Variants in ATP6V0A2 observed in about 807,000 individuals in gnomAD.
The protein encoded by ATP6V0A2 is V-type proton ATPase 116 kDa subunit a 2.
In ATP6V0A2, 58 loss-of-function variants were observed where a neutral mutation model predicts 104.4. That is an observed-to-expected ratio of 0.56 (90% CI 0.45 to 0.69). ATP6V0A2 has a LOEUF of 0.69. ATP6V0A2 is among the 30% of genes least tolerant of loss of function. ATP6V0A2 has a pLI of 0.00. For synonymous variants in ATP6V0A2, 376 were observed against 397.9 expected (o/e 0.95, Z 0.65); for missense variants, 938 against 1,062.9 (o/e 0.88, Z 1.63).
intron 3 of ATP6V0A2, chr12:123,724,421 G>A (rs1337330803): frequency 1.4e-5 from 6 of 418,362 alleles, no homozygotes; most frequent in Non-Finnish European, 2.3e-5. Flanking sequence ...CCAGCTACTC[G>A]GGGAGGCTGA....
At chr12:123,715,348 G>A (rs1956329557) in intron 1 of ATP6V0A2, among the ~76,000 whole-genome samples, 1 of 152,146 alleles carries the variant, frequency 6.6e-6, no homozygotes, top group African/African-American at 2.4e-5. Context: ...TAGTAACTTG[G>A]AAGTGGTTAC....
rs552826717 is a variant in ATP6V0A2, at chr12:123,715,668, T to C, written c.118-2955T>C. On this transcript the variant is annotated intron_variant, in intron 1 of 19. Coordinates refer to ENST00000330342, the MANE Select transcript of ATP6V0A2 (RefSeq NM_012463.4). ...AGTGATAGATGACCATTGTGAGAAA[T>C]GTGGAAAACATAAGAATAGTAACAT... 1.6e-3 allele frequency among the ~76,000 whole-genome samples: 237 copies of C among 152,312 alleles called. 1 individual carries two copies. Among genetic ancestry groups the C allele is most frequent in the African/African-American group, 5.2e-3 (218 of 41,572 alleles).
intron 17 of ATP6V0A2, 123 bp from the exon 18 acceptor site, chr12:123,754,297 T>G (rs968744889): frequency 1.3e-6 from 1 of 784,118 alleles, no homozygotes; most frequent in Non-Finnish European, 2.3e-6. Flanking sequence ...CACTCTAGCG[T>G]GTTCTTACCA....
intron 7 of ATP6V0A2, among the ~76,000 whole-genome samples, chr12:123,734,435 G>T (rs190145389): frequency 6.6e-6 from 1 of 152,296 alleles, no homozygotes; most frequent in Admixed American, 6.5e-5. Context: ...CTGTCTGGAT[G>T]CAGAGCCTCC....
At chr12:123,741,148 G>T (rs1035177530) in intron 9 of ATP6V0A2, among the ~76,000 whole-genome samples, 1 of 151,962 alleles carries the variant, frequency 6.6e-6, no homozygotes, top group Non-Finnish European at 1.5e-5. Context: ...TTAGACTTTT[G>T]AGGCTGGATG....
intron 4 of ATP6V0A2, 47 bp from the exon 5 acceptor site, chr12:123,726,150 G>A (rs907083977): frequency 8.5e-6 from 12 of 1,409,408 alleles, no homozygotes; most frequent in Non-Finnish European, 1.2e-5. Context: ...GAGAAATAAA[G>A]TGTCACTTTT....
At chr12:123,734,390 G>T (rs888108260) in intron 7 of ATP6V0A2, among the ~76,000 whole-genome samples, 2 of 152,176 alleles carry the variant, frequency 1.3e-5, no homozygotes, top group South Asian at 4.1e-4. Flanking sequence ...TGGGGCAGGG[G>T]TGTGGCGTGT....
Position 123,744,605 on chromosome 12 carries a change from G to T in ATP6V0A2, c.1335G>T (p.Arg445Ser). ...PRLNQSQEIM[R>S]MFFNGRYILL... ...CGCCTTGCCCTTCACAGATCATGAG[G>T]ATGTTTTTTAATGGCCGGTACATCC... is the stretch of plus-strand genomic sequence containing the variant. Residue 445 changes from arginine (R) to serine (S), a missense_variant, in exon 12 of 20, where the codon AGG becomes AGT. Transcript: ENST00000330342. This position sits in a 1 kb window ranked among gnomAD's most constrained non-coding sequence, Gnocchi z 5.4. The T allele has an allele frequency of 2.5e-6, 4 of 1,612,988 alleles. No homozygotes were observed. The highest frequency in any genetic ancestry group is 3.4e-6 in the Non-Finnish European group (4 of 1,180,010).
chr12:123,727,403 C>T (rs200888931), intron 5 of ATP6V0A2, among the ~76,000 whole-genome samples: 9 of 151,926 alleles, frequency 5.9e-5, no homozygotes, highest in African/African-American at 1.5e-4. Context: ...CTCAGCCTCC[C>T]GAGTAGCTGG....
chr12:123,739,252 G>A (rs915739687), intron 9 of ATP6V0A2, among the ~76,000 whole-genome samples: 4 of 152,146 alleles, frequency 2.6e-5, no homozygotes, highest in Non-Finnish European at 2.9e-5. Flanking sequence ...CCGACTCTTC[G>A]TTTCCCGTCA....
At chr12:123,749,758 G>A (rs113421547) in intron 15 of ATP6V0A2, among the ~76,000 whole-genome samples, 3,087 of 152,302 alleles carry the variant, frequency 0.02, 46 homozygotes, top group African/African-American at 0.034. Context: ...GGCTCACCAC[G>A]TTGTAAAGTG....
At chr12:123,754,086 C>T (rs768988406) in intron 17 of ATP6V0A2, 52 of 440,396 alleles carry the variant, frequency 1.2e-4, no homozygotes, top group Non-Finnish European at 1.9e-4. Context: ...ATTACTGAGA[C>T]CTGCCCCAGA....
rs1259345523 is a variant in ATP6V0A2, at chr12:123,743,782, AAG to A, written c.1045_1046del. On this transcript the variant is annotated splice_acceptor_variant, in intron 9 of 19. Transcript: ENST00000330342. LOFTEE classifies it high-confidence loss of function. ...TTTTTATCTTTCCTTGTTTATGTGG[AAG>A]AGAGAGAGTGGTGCTACAATCCCCT... 4 of 1,613,974 alleles carry A rather than the reference AAG, an allele frequency of 2.5e-6. No individual in the cohort carries two copies. Among genetic ancestry groups the A allele is most frequent in the Non-Finnish European group, 3.4e-6 (4 of 1,179,870 alleles).
rs1593921260 is a variant in ATP6V0A2, at chr12:123,754,904, C to G, written c.2293+367C>G. On this transcript the variant is annotated intron_variant, in intron 18 of 19. Coordinates refer to ENST00000330342, the MANE Select transcript of ATP6V0A2 (RefSeq NM_012463.4). ...CTGTTAGTAGTTATTTCATTCACTG[C>G]TGCCTTACCAAGTGTGAATATCTGT... The G allele has an allele frequency of 2.4e-5, 7 of 294,140 alleles. No homozygotes were observed. The South Asian group carries it at 3.0e-4, about 13-fold the overall frequency. The allele number at this position is 294,140 out of a possible 1,614,324, so 18.2% of individuals were successfully genotyped here.
chr12:123,712,502 C>A lies in ATP6V0A2; in HGVS notation c.-64C>A. 1.7e-6 allele frequency: 2 copies of A among 1,195,040 alleles called. No individual in the cohort carries two copies. The highest frequency in any genetic ancestry group is 1.4e-5 in the South Asian group (1 of 69,146). 74.0% of individuals were successfully genotyped at this position (1,195,040 alleles called of 1,614,324 possible). ...GCCCGGGCCGCACCGGCTGAGTGTG[C>A]GGGCCCGCGCGGCTCGGAGCCGCCG... On this transcript the variant is annotated 5_prime_UTR_variant, in exon 1 of 20. Coordinates refer to ENST00000330342, the MANE Select transcript of ATP6V0A2 (RefSeq NM_012463.4).
chr12:123,729,614 C>T (rs1956481738), intron 6 of ATP6V0A2, among the ~76,000 whole-genome samples: 1 of 152,068 alleles, frequency 6.6e-6, no homozygotes, highest in Non-Finnish European at 1.5e-5. Flanking sequence ...GTTTTTTAAA[C>T]TTCAAAGTAA....
intron 3 of ATP6V0A2, among the ~76,000 whole-genome samples, chr12:123,723,051 C>G (rs527322417): frequency 6.6e-6 from 1 of 152,152 alleles, no homozygotes; most frequent in African/African-American, 2.4e-5. Flanking sequence ...CGTTCCTCAC[C>G]CTGTGAAGTA....
chr12:123,712,365 A>T lies in ATP6V0A2; in HGVS notation c.-201A>T. 3.0e-6 allele frequency: 1 copy of T among 334,016 alleles called. No homozygotes were observed. The highest frequency in any genetic ancestry group is 5.4e-6 in the Non-Finnish European group (1 of 186,814). The allele number at this position is 334,016 out of a possible 1,614,324, so 20.7% of individuals were successfully genotyped here. On this transcript the variant is annotated 5_prime_UTR_variant, in exon 1 of 20. Coordinates refer to ENST00000330342, the MANE Select transcript of ATP6V0A2 (RefSeq NM_012463.4). ...GTGGCTTGGGGGCGGGACCTCGCGG[A>T]CTGCTGTGGCGGCAGCTGGAGCGGC...
intron 9 of ATP6V0A2, chr12:123,739,032 A>G (rs2135903988): frequency 6.6e-6 from 1 of 152,354 alleles, no homozygotes; most frequent in Admixed American, 6.5e-5. Flanking sequence ...AGTTTGAGGG[A>G]CATGACTAGT....
Sources: gnomAD v4.1 joint callset for allele counts (sites outside exome capture counted in the v4.1 genomes callset) on GRCh38, gnomAD v4.1.1 for gene constraint, Gnocchi (gnomAD v3.1) non-coding constraint, MANE v1.5 for transcripts, NCBI Gene and HGNC (gene_info 2026-07-23, HGNC 2026-07-21) for gene names.